KMT2C: variants seen among roughly 807,000 people sequenced by gnomAD.
KMT2C encodes the protein lysine methyltransferase 2C.
In KMT2C, 88 loss-of-function variants were observed where a neutral mutation model predicts 507.9. That is an observed-to-expected ratio of 0.17 (90% CI 0.15 to 0.21). The LOEUF is 0.21. Among genes scored for constraint, KMT2C ranks in the 10% least tolerant of loss-of-function variants. The pLI, the probability that KMT2C is intolerant of heterozygous loss-of-function variation, is 1.00. For synonymous variants in KMT2C, 2,049 were observed against 2,080.8 expected (o/e 0.98, Z 0.42); for missense variants, 4,954 against 5,957.8 (o/e 0.83, Z 5.55).
chr7:152,164,201 C>T, intron 42 of KMT2C, among the ~76,000 whole-genome samples: 1 of 151,668 alleles, frequency 6.6e-6, no homozygotes, highest in East Asian at 1.9e-4. Flanking sequence ...CTAGAAATTA[C>T]AATATACAAT....
chr7:152,358,695 T>A lies in KMT2C; in HGVS notation c.162-20A>T, dbSNP rs1042698272. On this transcript the variant is annotated intron_variant, in intron 1 of 58. Coordinates refer to ENST00000262189, the MANE Select transcript of KMT2C (RefSeq NM_170606.3). ...CGAGGTCTACAGAAAAAAAAAAAAA[T>A]AATAAGTACATAGAGTTAAATGTTA... 85 of 1,235,124 alleles carry A rather than the reference T, an allele frequency of 6.9e-5. No homozygotes were observed. Among genetic ancestry groups the A allele is most frequent in the East Asian group, 5.2e-4 (22 of 42,270 alleles). The allele number at this position is 1,235,124 out of a possible 1,614,324, so 76.5% of individuals were successfully genotyped here. A position where few individuals can be genotyped will look rare whatever the true frequency, so the allele number is the denominator to read the frequency against.
chr7:152,367,324 C>T, intron 1 of KMT2C: 3 of 932,380 alleles, frequency 3.2e-6, no homozygotes, highest in Non-Finnish European at 3.4e-6. Context: ...CTGACCTGCA[C>T]CTTCGCAGAA....
chr7:152,368,140 G>A, intron 1 of KMT2C: 1 of 934,126 alleles, frequency 1.1e-6, no homozygotes. Flanking sequence ...AAGGGTCAAA[G>A]GAAGGCAGTA....
chr7:152,269,849 G>A (rs2095928593), intron 7 of KMT2C, among the ~76,000 whole-genome samples: 1 of 152,168 alleles, frequency 6.6e-6, no homozygotes, highest in African/African-American at 2.4e-5. Flanking sequence ...CATCTTTAGA[G>A]AAGGTCATTT....
chr7:152,395,173 T>TA (rs1216382973), intron 1 of KMT2C, among the ~76,000 whole-genome samples: 9 of 152,160 alleles, frequency 5.9e-5, no homozygotes, highest in Non-Finnish European at 1.3e-4. Flanking sequence ...ATAGTAGCAT[T>TA]AAAAAAATTT....
rs537467967 is a variant in KMT2C at position 152,422,980 on chromosome 7, G to A, written c.161+12646C>T. Among the ~76,000 whole-genome samples, 71 of 147,942 alleles carry A rather than the reference G, an allele frequency of 4.8e-4. 1 individual carries two copies. Among genetic ancestry groups the A allele is most frequent in the African/African-American group, 1.8e-3 (70 of 39,886 alleles). ...TACAGTGAGCCAAGATCACACCAAT[G>A]CACTCCAGCCTGGGCAACAGAGCGA... On this transcript the variant is annotated intron_variant, in intron 1 of 58. Transcript: ENST00000262189.
chr7:152,146,342 G>A (rs1305611099), intron 53 of KMT2C, among the ~76,000 whole-genome samples: 1 of 152,182 alleles, frequency 6.6e-6, no homozygotes, highest in Non-Finnish European at 1.5e-5. Context: ...GATGTGACAA[G>A]CCTGGTGTCC....
chr7:152,181,683 T>G lies in KMT2C; in HGVS notation c.6177A>C (p.Ser2059=), dbSNP rs1161198817. Residue 2059 remains serine (S), a synonymous_variant, in exon 36 of 59, where the codon TCA becomes TCC. Transcript: ENST00000262189. ...ACAATCGCCTTGATGCCTGTGACAC[T>G]GATCCATAAGGATCCTGAGAGGATG... ...PPPSSQDPYG[S]VSQASRRLSV... The G allele has an allele frequency of 1.9e-6, 3 of 1,614,078 alleles. No homozygotes were observed. In the Admixed American group the frequency reaches 5.0e-5, roughly 27 times the overall value.
intron 1 of KMT2C, among the ~76,000 whole-genome samples, chr7:152,399,266 TGAGAACTGAAA>T (rs1459174559): frequency 6.6e-6 from 1 of 152,212 alleles, no homozygotes; most frequent in Non-Finnish European, 1.5e-5. Context: ...TAGTCCAGTT[TGAGAACTGAAA>T]GAGATTCTCT....
At chr7:152,335,587 T>C (rs1368744527) in intron 2 of KMT2C, among the ~76,000 whole-genome samples, 1 of 152,208 alleles carries the variant, frequency 6.6e-6, no homozygotes, top group Non-Finnish European at 1.5e-5. Context: ...CCTTTTACTA[T>C]GCTGCTATCT....
chr7:152,426,808 A>C (rs909624302), intron 1 of KMT2C, among the ~76,000 whole-genome samples: 3 of 152,348 alleles, frequency 2.0e-5, no homozygotes, highest in Admixed American at 2.0e-4. Flanking sequence ...AAAAAATTTA[A>C]GTAACTTGCC....
At chr7:152,418,591 C>G (rs1304423524) in intron 1 of KMT2C, among the ~76,000 whole-genome samples, 2 of 151,974 alleles carry the variant, frequency 1.3e-5, no homozygotes, top group Non-Finnish European at 2.9e-5. Context: ...GCCACCACAC[C>G]TGGCTAATTT....
intron 9 of KMT2C, among the ~76,000 whole-genome samples, chr7:152,255,157 A>ATATGTGTGTGTG (rs767823858): frequency 7.8e-6 from 1 of 128,376 alleles, no homozygotes; most frequent in African/African-American, 3.0e-5. Flanking sequence ...ATATATATAT[A>ATATGTGTGTGTG]TGTGTGTGTG....
At chr7:152,214,248 A>G (rs1489588779) in intron 23 of KMT2C, among the ~76,000 whole-genome samples, 3 of 152,138 alleles carry the variant, frequency 2.0e-5, no homozygotes, top group African/African-American at 7.2e-5. Context: ...TCAGCATCTG[A>G]GAGAGACATC....
chr7:152,154,236 G>A lies in KMT2C; in HGVS notation c.12139+31C>T, dbSNP rs146770441. 149 of 1,612,626 alleles carry A rather than the reference G, an allele frequency of 9.2e-5. No homozygotes were observed. In the African/African-American group the frequency reaches 1.7e-3, roughly 18 times the overall value. On this transcript the variant is annotated intron_variant, in intron 47 of 58. Coordinates refer to ENST00000262189, the MANE Select transcript of KMT2C (RefSeq NM_170606.3). ...CATTAGTAAATTGGCGTAGTGTAAAGGGAAATAATAAGGTTAAGTGTTGTT... is the reference window on the plus strand; with the variant it reads ...CATTAGTAAATTGGCGTAGTGTAAAAGGAAATAATAAGGTTAAGTGTTGTT...
At chr7:152,435,597 C>T (rs777633418) in intron 1 of KMT2C, 29 bp downstream of exon 1, 2 of 1,384,476 alleles carry the variant, frequency 1.4e-6, no homozygotes, top group South Asian at 2.9e-5. Flanking sequence ...CCGCTGGCTC[C>T]CGGCCTGGCT....
intron 2 of KMT2C, among the ~76,000 whole-genome samples, chr7:152,331,545 G>A (rs2096882837): frequency 1.3e-5 from 2 of 151,484 alleles, no homozygotes; most frequent in Non-Finnish European, 2.9e-5. Flanking sequence ...GGCAGCGGAG[G>A]CTACAGTGAG....
At chr7:152,313,195 T>C (rs1387893438) in intron 4 of KMT2C, among the ~76,000 whole-genome samples, 1 of 151,724 alleles carries the variant, frequency 6.6e-6, no homozygotes, top group Non-Finnish European at 1.5e-5. Context: ...TCTCTATTCC[T>C]ACAAATATAT....
At chr7:152,254,011 T>C (rs1331726106) in intron 9 of KMT2C, among the ~76,000 whole-genome samples, 3 of 152,164 alleles carry the variant, frequency 2.0e-5, no homozygotes, top group South Asian at 4.1e-4. Flanking sequence ...TATCTTTCTG[T>C]GCTACCAGGT....
Sources: gnomAD v4.1 joint callset for allele counts (sites outside exome capture counted in the v4.1 genomes callset) on GRCh38, gnomAD v4.1.1 for gene constraint, MANE v1.5 for transcripts, NCBI Gene and HGNC (gene_info 2026-07-23, HGNC 2026-07-21) for gene names.